Variants in DAB1 observed in about 807,000 individuals in gnomAD.
DAB1 encodes the protein disabled homolog 1.
A neutral mutation model predicts 64.6 loss-of-function variants in DAB1; 15 were observed. The ratio of observed to expected loss-of-function variants is 0.23; its 90% CI spans 0.16 to 0.36. DAB1 has a LOEUF of 0.36. DAB1 is among the 10% of genes least tolerant of loss of function. The pLI is 1.00. For missense variants in DAB1, 596 were observed against 706.7 expected (o/e 0.84, Z 1.78); for synonymous variants, 235 against 251.9 (o/e 0.93, Z 0.64).
At chr1:58,205,353 T>C (rs1658213556) in intron 4 of DAB1, among the ~76,000 whole-genome samples, 1 of 152,194 alleles carries the variant, frequency 6.6e-6, no homozygotes, top group South Asian at 2.1e-4. Context: ...TCCTAAGGTC[T>C]TTTTACTCCA....
At chr1:57,169,928 A>G (rs1342000913) in intron 2 of DAB1, among the ~76,000 whole-genome samples, 5 of 151,658 alleles carry the variant, frequency 3.3e-5, no homozygotes, top group Non-Finnish European at 1.5e-5. Context: ...AGTTGTCCTT[A>G]TATCTGTGAT....
At chr1:58,014,735 G>A (rs1646715078) in intron 5 of DAB1, among the ~76,000 whole-genome samples, 1 of 152,182 alleles carries the variant, frequency 6.6e-6, no homozygotes, top group Non-Finnish European at 1.5e-5. Context: ...CATGGTGAAT[G>A]TTTTATAAAT....
At chr1:57,171,904 G>A (rs1374425554) in intron 2 of DAB1, among the ~76,000 whole-genome samples, 1 of 152,200 alleles carries the variant, frequency 6.6e-6, no homozygotes, top group African/African-American at 2.4e-5. Flanking sequence ...CATGAATTGA[G>A]TGGCTTAAAA....
At chr1:58,106,236 G>GCT (rs977061909) in intron 5 of DAB1, among the ~76,000 whole-genome samples, 15 of 151,416 alleles carry the variant, frequency 9.9e-5, no homozygotes, top group Middle Eastern at 3.4e-3. Context: ...GGAGTGCAGT[G>GCT]GTAGGATCAT....
intron 4 of DAB1, among the ~76,000 whole-genome samples, chr1:58,161,246 G>C (rs1051869639): frequency 8.5e-5 from 13 of 152,186 alleles, no homozygotes; most frequent in African/African-American, 3.1e-4. Context: ...TTGCCTTAGA[G>C]AGCGCAAGTT....
At chr1:58,531,796 G>A (rs753336192) in intron 1 of DAB1, among the ~76,000 whole-genome samples, 4 of 151,766 alleles carry the variant, frequency 2.6e-5, no homozygotes, top group African/African-American at 4.8e-5. Context: ...TGCAACCTCC[G>A]CCTCCAGGTT....
At chr1:58,025,955 G>A (rs2100465984) in intron 5 of DAB1, among the ~76,000 whole-genome samples, 1 of 151,980 alleles carries the variant, frequency 6.6e-6, no homozygotes, top group South Asian at 2.1e-4. Context: ...CCTCCACCTG[G>A]AGGGCCATGT....
At chr1:58,447,982 CG>C (rs1645090192) in intron 3 of DAB1, among the ~76,000 whole-genome samples, 1 of 151,964 alleles carries the variant, frequency 6.6e-6, no homozygotes, top group East Asian at 1.9e-4. Context: ...GCCATTCCCC[CG>C]GGGGAATGGC....
intron 1 of DAB1, among the ~76,000 whole-genome samples, chr1:57,376,787 G>A (rs1680932150): frequency 6.6e-6 from 1 of 152,270 alleles, no homozygotes; most frequent in Middle Eastern, 3.4e-3. Flanking sequence ...AAAATGTACA[G>A]CCTACTGAAA....
intron 1 of DAB1, among the ~76,000 whole-genome samples, chr1:58,535,292 T>C (rs917510333): frequency 3.9e-5 from 6 of 152,184 alleles, no homozygotes; most frequent in African/African-American, 1.2e-4. Flanking sequence ...ATAAAGTGTA[T>C]GCTTTTTTTC....
chr1:58,091,816 C>G (rs991058755), intron 5 of DAB1, among the ~76,000 whole-genome samples: 20 of 151,668 alleles, frequency 1.3e-4, no homozygotes, highest in African/African-American at 4.1e-4. Flanking sequence ...GAGCTCAAAA[C>G]TAATTACTCC....
At chr1:58,460,924 C>T (rs926586767) in intron 3 of DAB1, among the ~76,000 whole-genome samples, 1 of 152,198 alleles carries the variant, frequency 6.6e-6, no homozygotes, top group Non-Finnish European at 1.5e-5. Context: ...ACCCATGACA[C>T]TCTCACTCCA....
chr1:57,733,655 A>T (rs1017846084), intron 6 of DAB1, among the ~76,000 whole-genome samples: 3 of 152,160 alleles, frequency 2.0e-5, no homozygotes, highest in Admixed American at 2.0e-4. Context: ...ACTCTTTTAC[A>T]ATAGAGAACC....
intron 5 of DAB1, among the ~76,000 whole-genome samples, chr1:57,916,108 G>A (rs370603821): frequency 2.2e-4 from 33 of 152,266 alleles, no homozygotes; most frequent in East Asian, 5.8e-4. Flanking sequence ...TCTCCCTGGC[G>A]GGTGAAAGAA....
rs532751939 is a variant in DAB1 at position 57,481,709 on chromosome 1, C to T, written n.625+167883G>A. Among the ~76,000 whole-genome samples the T allele has an allele frequency of 6.0e-4, 91 of 151,792 alleles. 1 individual carries two copies. Among genetic ancestry groups the T allele is most frequent in the African/African-American group, 2.1e-3 (88 of 41,348 alleles). On this transcript the variant is annotated intron_variant and non_coding_transcript_variant, in intron 7 of 20. Coordinates refer to the DAB1 transcript ENST00000485760. ...GCAGGTGCCTGTAATCCCAGCTACC[C>T]AGGAGGCTAAGGCAGGAGAATTGCT...
At chr1:57,377,521 A>G (rs17457811) in intron 1 of DAB1, among the ~76,000 whole-genome samples, 2,048 of 152,308 alleles carry the variant, frequency 0.013, 14 homozygotes, top group Non-Finnish European at 0.02. Context: ...AATCATAGGC[A>G]TATGTATATA....
At chr1:58,398,197 C>T (rs1644538930) in intron 3 of DAB1, among the ~76,000 whole-genome samples, 2 of 152,200 alleles carry the variant, frequency 1.3e-5, no homozygotes, top group African/African-American at 4.8e-5. Context: ...CATAAAGAGT[C>T]CTCCATGATC....
At chr1:57,917,215 C>T (rs1338822926) in intron 5 of DAB1, among the ~76,000 whole-genome samples, 2 of 152,132 alleles carry the variant, frequency 1.3e-5, no homozygotes, top group African/African-American at 4.8e-5. Flanking sequence ...CCTCTAGGTC[C>T]ACTGCCAGAT....
At chr1:58,194,449 T>C (rs914415352) in intron 4 of DAB1, among the ~76,000 whole-genome samples, 5 of 152,258 alleles carry the variant, frequency 3.3e-5, no homozygotes, top group African/African-American at 1.2e-4. Context: ...TAAAAATATC[T>C]TGTCCTCAAT....
Sources: allele counts gnomAD v4.1 joint callset (sites outside exome capture counted in the v4.1 genomes callset), GRCh38; gene constraint gnomAD v4.1.1; transcripts MANE v1.5; gene names NCBI Gene and HGNC (gene_info 2026-07-23, HGNC 2026-07-21).